The following CDH2 variants were observed in gnomAD, a reference collection of about 807,000 sequenced individuals.
CDH2 encodes the protein cadherin 2, also known as cadherin-2.
In CDH2, 17 loss-of-function variants were observed where a neutral mutation model predicts 92.0. That is an observed-to-expected ratio of 0.18 (90% CI 0.13 to 0.28). The LOEUF (loss-of-function observed/expected upper bound fraction) is 0.28. CDH2 is among the 10% of genes least tolerant of loss of function. CDH2 has a pLI of 1.00. For missense variants in CDH2, 862 were observed against 1,133.1 expected (o/e 0.76, Z 3.44); for synonymous variants, 419 against 415.9 (o/e 1.01, Z -0.09).
At chr18:28,158,954 C>G (rs927254897) in intron 1 of CDH2, among the ~76,000 whole-genome samples, 1 of 152,118 alleles carries the variant, frequency 6.6e-6, no homozygotes, top group South Asian at 2.1e-4. Context: ...ACGCATACAA[C>G]TGGTTTAATA....
chr18:28,017,953 T>C (rs368318132), intron 2 of CDH2, among the ~76,000 whole-genome samples: 50 of 152,172 alleles, frequency 3.3e-4, no homozygotes, highest in African/African-American at 1.2e-3. Context: ...CCCATCCAAA[T>C]TGATAAAGAG....
intron 2 of CDH2, among the ~76,000 whole-genome samples, chr18:28,043,482 ATATATATATAT>A (rs1345802099): frequency 5.2e-5 from 4 of 76,400 alleles, no homozygotes; most frequent in South Asian, 5.7e-4. Context: ...ATATATATAT[ATATATATATAT>A]AAATATATAT....
At chr18:28,147,608 T>G in intron 2 of CDH2, 65 bp downstream of exon 2, 1 of 1,014,280 alleles carries the variant, frequency 9.9e-7, no homozygotes, top group Non-Finnish European at 1.5e-6. Context: ...TTAGGCTTTT[T>G]TAATGGCTAA....
intron 11 of CDH2, among the ~76,000 whole-genome samples, chr18:27,988,268 T>C (rs1320680401): frequency 6.6e-6 from 1 of 152,098 alleles, no homozygotes; most frequent in Non-Finnish European, 1.5e-5. Context: ...ACTTAAGGCA[T>C]CAACATGTGA....
intron 2 of CDH2, among the ~76,000 whole-genome samples, chr18:28,147,390 T>C (rs1485751764): frequency 6.6e-6 from 1 of 152,128 alleles, no homozygotes; most frequent in East Asian, 1.9e-4. Flanking sequence ...TTAAATAAAA[T>C]GTATACACAA....
chr18:28,173,510 G>A (rs951912415), intron 1 of CDH2, among the ~76,000 whole-genome samples: 4 of 151,518 alleles, frequency 2.6e-5, no homozygotes, highest in Non-Finnish European at 5.9e-5. Flanking sequence ...GAACAAAGCT[G>A]CTTCTTTTTA....
intron 2 of CDH2, among the ~76,000 whole-genome samples, chr18:28,147,341 T>C (rs905142551): frequency 1.3e-5 from 2 of 152,040 alleles, no homozygotes; most frequent in African/African-American, 4.8e-5. Flanking sequence ...TTTAAAGCCA[T>C]TAGAACTAGA....
chr18:27,937,404 G>A (rs772441996), intron 6 of CDH2, among the ~76,000 whole-genome samples: 1 of 152,076 alleles, frequency 6.6e-6, no homozygotes, highest in Non-Finnish European at 1.5e-5. Context: ...TTACTCACCG[G>A]TAAGACAGGT....
intron 2 of CDH2, among the ~76,000 whole-genome samples, chr18:28,083,066 G>C (rs745504145): frequency 9.2e-5 from 14 of 152,132 alleles, no homozygotes; most frequent in Non-Finnish European, 1.9e-4. Context: ...GGACTTCCTA[G>C]GGGAGAGACT....
chr18:28,171,261 C>T (rs1334482558), intron 1 of CDH2, among the ~76,000 whole-genome samples: 2 of 149,042 alleles, frequency 1.3e-5, no homozygotes, highest in Non-Finnish European at 3.0e-5. Context: ...GAAAACTTGA[C>T]AAAGGGCTAG....
chr18:28,024,187 A>T (rs1021890478), intron 2 of CDH2, among the ~76,000 whole-genome samples: 3 of 152,178 alleles, frequency 2.0e-5, no homozygotes, highest in African/African-American at 7.2e-5. Flanking sequence ...CATGCAAATG[A>T]AATGTTTACT....
At chr18:28,092,499 T>A (rs1203991745) in intron 2 of CDH2, among the ~76,000 whole-genome samples, 1 of 151,872 alleles carries the variant, frequency 6.6e-6, no homozygotes, top group East Asian at 1.9e-4. Context: ...AAATTCCTTC[T>A]GCTACCCTAT....
At position 28,011,826 on chromosome 18, in the gene CDH2, T is replaced by C. The variant is rs1815215477; in HGVS notation, c.546+20A>G. Reference sequence around the variant, plus strand: ...CATTTGTCTTGTGGTATGAAAACAGTTAAAATTGTGCCACCTTACCCTGAC... The same window carrying C: ...CATTTGTCTTGTGGTATGAAAACAGCTAAAATTGTGCCACCTTACCCTGAC... On this transcript the variant is annotated intron_variant, in intron 4 of 15. Transcript: ENST00000269141. 1 of 1,610,330 alleles carries C rather than the reference T, an allele frequency of 6.2e-7. No individual in the cohort carries two copies. Among genetic ancestry groups the C allele is most frequent in the African/African-American group, 1.3e-5 (1 of 74,678 alleles).
chr18:28,005,818 G>A, intron 6 of CDH2, 31 bp downstream of exon 6: 1 of 1,568,214 alleles, frequency 6.4e-7, no homozygotes, highest in Non-Finnish European at 8.7e-7. Flanking sequence ...CTTTCCTCAA[G>A]TCATCTTCAA....
At chr18:28,097,329 A>T (rs1173425486) in intron 2 of CDH2, 1 of 151,808 alleles carries the variant, frequency 6.6e-6, no homozygotes, top group Admixed American at 6.6e-5. Context: ...ATATGGTTAC[A>T]ATATTCCAAA....
chr18:27,980,932 AATCT>A (rs1448880055), intron 14 of CDH2, among the ~76,000 whole-genome samples: 1 of 152,222 alleles, frequency 6.6e-6, no homozygotes, highest in African/African-American at 2.4e-5. Context: ...CTCAAGCATC[AATCT>A]AAGTGGATAA....
chr18:28,086,404 C>A (rs2014928176), intron 2 of CDH2, among the ~76,000 whole-genome samples: 1 of 151,794 alleles, frequency 6.6e-6, no homozygotes, highest in Non-Finnish European at 1.5e-5. Context: ...ATTTATTAAG[C>A]CTTCATTGTT....
In CDH2 at chr18:28,120,327, G is replaced by C. The variant is rs578255295; in HGVS notation, c.172+27346C>G. Reference sequence around the variant, plus strand: ...TTCAGATGGCATATCATTTCATCATGCTGATAGGTCCAAGATACTTCCTCA... The same window carrying C: ...TTCAGATGGCATATCATTTCATCATCCTGATAGGTCCAAGATACTTCCTCA... On this transcript the variant is annotated intron_variant, in intron 2 of 15. Transcript: ENST00000269141. Among the ~76,000 whole-genome samples the C allele has an allele frequency of 7.9e-5, 12 of 152,036 alleles. 1 individual carries two copies. The highest frequency in any genetic ancestry group is 2.4e-4 in the African/African-American group (10 of 41,494).
At chr18:27,954,870 A>G (rs1333442936) in intron 15 of CDH2, among the ~76,000 whole-genome samples, 2 of 152,140 alleles carry the variant, frequency 1.3e-5, no homozygotes, top group Admixed American at 1.3e-4. Context: ...ATATTCACAT[A>G]TTAGCCTACA....
Sources: allele counts gnomAD v4.1 joint callset (sites outside exome capture counted in the v4.1 genomes callset), GRCh38; gene constraint gnomAD v4.1.1; transcripts MANE v1.5; gene names NCBI Gene and HGNC (gene_info 2026-07-23, HGNC 2026-07-21).